Variants in KCTD16 observed in about 807,000 individuals in gnomAD.
KCTD16 encodes the protein BTB/POZ domain-containing protein KCTD16.
A neutral mutation model predicts 33.2 loss-of-function variants in KCTD16; 13 were observed. The observed-to-expected ratio is 0.39, with a 90% confidence interval of 0.25 to 0.62. KCTD16 has a LOEUF of 0.62. KCTD16 is among the 20% of genes least tolerant of loss of function. The pLI, the probability that KCTD16 is intolerant of heterozygous loss-of-function variation, is 0.50. For synonymous variants in KCTD16, 197 were observed against 195.3 expected (o/e 1.01, Z -0.07); for missense variants, 441 against 525.1 (o/e 0.84, Z 1.57).
At chr5:144,437,398 C>T (rs1475679596) in intron 3 of KCTD16, among the ~76,000 whole-genome samples, 1 of 152,154 alleles carries the variant, frequency 6.6e-6, no homozygotes, top group African/African-American at 2.4e-5. Context: ...ATCCAAAAGC[C>T]TAGTTTCAAA....
At chr5:144,390,958 C>A (rs1366077857) in intron 3 of KCTD16, among the ~76,000 whole-genome samples, 2 of 152,012 alleles carry the variant, frequency 1.3e-5, no homozygotes, top group Non-Finnish European at 2.9e-5. Context: ...CTTCTGTGTT[C>A]TTAATTCCTT....
At chr5:144,221,536 T>C (rs888568328) in intron 3 of KCTD16, among the ~76,000 whole-genome samples, 3 of 152,078 alleles carry the variant, frequency 2.0e-5, no homozygotes, top group Non-Finnish European at 4.4e-5. Context: ...TCTGTTCTTG[T>C]GTTAGTTTGC....
At chr5:144,226,182 G>C (rs981498405) in intron 3 of KCTD16, among the ~76,000 whole-genome samples, 1 of 152,218 alleles carries the variant, frequency 6.6e-6, no homozygotes, top group Non-Finnish European at 1.5e-5. Flanking sequence ...TGCAGATGTT[G>C]TGATGTTTTC....
At chr5:144,438,219 GAA>G (rs2126974656) in intron 3 of KCTD16, among the ~76,000 whole-genome samples, 1 of 152,256 alleles carries the variant, frequency 6.6e-6, no homozygotes, top group East Asian at 1.9e-4. Flanking sequence ...AGTAAGTCTG[GAA>G]ACAGTACAAT....
intron 3 of KCTD16, among the ~76,000 whole-genome samples, chr5:144,251,502 T>A (rs1754700224): frequency 6.6e-6 from 1 of 152,180 alleles, no homozygotes; most frequent in East Asian, 1.9e-4. Context: ...AATAGTTGAT[T>A]TAAAAGTAGC....
chr5:144,477,175 A>G lies in KCTD16; in HGVS notation c.*3061A>G, dbSNP rs1407860802. Reference sequence around the variant, plus strand: ...GCATTCAGCAGGAAAAGGGGAAGACAGGAATGTAAAACTACTAGATCATAT... The same window carrying G: ...GCATTCAGCAGGAAAAGGGGAAGACGGGAATGTAAAACTACTAGATCATAT... On this transcript the variant is annotated 3_prime_UTR_variant, in exon 4 of 4. Transcript: ENST00000512467. 6 of 152,144 alleles carry G rather than the reference A, an allele frequency of 3.9e-5. No individual in the cohort carries two copies. The highest frequency in any genetic ancestry group is 2.6e-4 in the Admixed American group (4 of 15,266). 9.4% of individuals were successfully genotyped at this position (152,144 alleles called of 1,614,324 possible). A position where few individuals can be genotyped will look rare whatever the true frequency, so the allele number is the denominator to read the frequency against.
chr5:144,456,470 C>T, intron 3 of KCTD16, among the ~76,000 whole-genome samples: 1 of 152,172 alleles, frequency 6.6e-6, no homozygotes, highest in East Asian at 1.9e-4. Context: ...CCCCAACACA[C>T]ACAGACGCAC....
intron 2 of KCTD16, among the ~76,000 whole-genome samples, chr5:144,182,083 C>T (rs1752637018): frequency 1.5e-5 from 2 of 129,694 alleles, no homozygotes; most frequent in South Asian, 2.4e-4. Flanking sequence ...GAAACTCCAT[C>T]TCAAAAAAAA....
intron 3 of KCTD16, among the ~76,000 whole-genome samples, chr5:144,462,335 C>T (rs533692404): frequency 1.4e-4 from 21 of 152,226 alleles, no homozygotes; most frequent in African/African-American, 4.1e-4. Flanking sequence ...AGTTTTTAAA[C>T]AGAATGATTT....
At chr5:144,437,535 C>T (rs1441722157) in intron 3 of KCTD16, among the ~76,000 whole-genome samples, 1 of 152,130 alleles carries the variant, frequency 6.6e-6, no homozygotes, top group Admixed American at 6.6e-5. Flanking sequence ...TAGCATCTGA[C>T]ATATAATATA....
intron 3 of KCTD16, among the ~76,000 whole-genome samples, chr5:144,465,779 C>CTTTT (rs780109122): frequency 0.025 from 3,200 of 129,448 alleles, 164 homozygotes; most frequent in Admixed American, 0.038. Flanking sequence ...CCAAATTTAA[C>CTTTT]TTTTTTGTTT....
intron 3 of KCTD16, among the ~76,000 whole-genome samples, chr5:144,304,315 G>C (rs1459368820): frequency 1.3e-5 from 2 of 150,860 alleles, no homozygotes; most frequent in African/African-American, 5.0e-5. Flanking sequence ...ATGTGACATA[G>C]CAGCAATAAG....
chr5:144,372,134 T>A (rs1312541202), intron 3 of KCTD16, among the ~76,000 whole-genome samples: 2 of 152,080 alleles, frequency 1.3e-5, no homozygotes, highest in Non-Finnish European at 2.9e-5. Flanking sequence ...ATCCTGGAGT[T>A]AGACTGTTTC....
At chr5:144,227,326 G>C (rs577388571) in intron 3 of KCTD16, among the ~76,000 whole-genome samples, 1 of 152,148 alleles carries the variant, frequency 6.6e-6, no homozygotes, top group African/African-American at 2.4e-5. Context: ...AGAGGGAAAA[G>C]CACATATCAA....
intron 3 of KCTD16, among the ~76,000 whole-genome samples, chr5:144,333,923 A>G (rs2126893237): frequency 6.6e-6 from 1 of 152,198 alleles, no homozygotes; most frequent in East Asian, 1.9e-4. Flanking sequence ...TGTGTCTGGA[A>G]CCTACTCTAA....
intron 3 of KCTD16, among the ~76,000 whole-genome samples, chr5:144,454,599 T>G (rs1219363036): frequency 6.6e-6 from 1 of 152,186 alleles, no homozygotes; most frequent in East Asian, 1.9e-4. Context: ...TCAGAAACTT[T>G]TTTATATCAT....
intron 3 of KCTD16, among the ~76,000 whole-genome samples, chr5:144,454,953 G>C (rs983674945): frequency 1.3e-5 from 2 of 152,090 alleles, no homozygotes; most frequent in Non-Finnish European, 2.9e-5. Flanking sequence ...GGGCACTAAG[G>C]CTACAGTAGC....
Position 144,333,118 on chromosome 5 carries a change from T to A in KCTD16, c.832+125572T>A, listed in dbSNP as rs190499720. On this transcript the variant is annotated intron_variant, in intron 3 of 3. Coordinates refer to ENST00000512467, the MANE Select transcript of KCTD16 (RefSeq NM_020768.4). ...GGGGACACAGCCAAACCATATCATC[T>A]TACTATTTTAAAACCCATCAGTAAA... Among the ~76,000 whole-genome samples, 336 of 152,320 alleles carry A rather than the reference T, an allele frequency of 2.2e-3. 2 individuals carry two copies. The highest frequency in any genetic ancestry group is 5.9e-3 in the Admixed American group (90 of 15,288).
At chr5:144,396,349 G>A (rs890227872) in intron 3 of KCTD16, among the ~76,000 whole-genome samples, 8 of 152,080 alleles carry the variant, frequency 5.3e-5, no homozygotes, top group African/African-American at 1.4e-4. Context: ...TGTCCAAGAG[G>A]CATAACTGAT....
Sources: gnomAD v4.1 joint callset for allele counts (sites outside exome capture counted in the v4.1 genomes callset) on GRCh38, gnomAD v4.1.1 for gene constraint, MANE v1.5 for transcripts, NCBI Gene and HGNC (gene_info 2026-07-23, HGNC 2026-07-21) for gene names.